Variants in EXOC6 observed in about 807,000 individuals in gnomAD.
The protein encoded by EXOC6 is SEC15-like 1.
Under a neutral mutation model 112.5 loss-of-function variants are expected in EXOC6, and 60 were observed. That is an observed-to-expected ratio of 0.53 (90% CI 0.43 to 0.66). The LOEUF is 0.66. Among genes scored for constraint, EXOC6 ranks in the 30% least tolerant of loss-of-function variants. The pLI, the probability that EXOC6 is intolerant of heterozygous loss-of-function variation, is 0.00. For synonymous variants in EXOC6, 295 were observed against 308.0 expected (o/e 0.96, Z 0.44); for missense variants, 855 against 957.1 (o/e 0.89, Z 1.41).
At chr10:92,923,003 C>T (rs1309976745) in intron 8 of EXOC6, among the ~76,000 whole-genome samples, 1 of 152,154 alleles carries the variant, frequency 6.6e-6, no homozygotes, top group Non-Finnish European at 1.5e-5. Context: ...AATAGTTCTT[C>T]TCTTACTGTT....
intron 14 of EXOC6, among the ~76,000 whole-genome samples, chr10:92,949,775 T>A (rs1430023172): frequency 1.3e-5 from 2 of 152,116 alleles, no homozygotes; most frequent in Non-Finnish European, 2.9e-5. Context: ...TAATTTTTTT[T>A]AGTAGAGACA....
chr10:92,989,276 G>A (rs1301560887), intron 18 of EXOC6, among the ~76,000 whole-genome samples: 2 of 152,168 alleles, frequency 1.3e-5, no homozygotes, highest in East Asian at 1.9e-4. Flanking sequence ...GCGTATAAAA[G>A]TATACTGCCT....
chr10:92,975,314 G>A (rs1473082487), intron 18 of EXOC6, among the ~76,000 whole-genome samples: 2 of 151,510 alleles, frequency 1.3e-5, no homozygotes, highest in Non-Finnish European at 2.9e-5. Context: ...GAGAAGTGAG[G>A]AGACCCTCTG....
chr10:93,024,067 C>T (rs956931959), intron 20 of EXOC6, among the ~76,000 whole-genome samples: 1 of 152,320 alleles, frequency 6.6e-6, no homozygotes, highest in East Asian at 1.9e-4. Context: ...GATTGAGCAT[C>T]CATTGCTTCA....
At chr10:93,038,439 G>T (rs796864583) in intron 20 of EXOC6, among the ~76,000 whole-genome samples, 19 of 152,274 alleles carry the variant, frequency 1.2e-4, no homozygotes, top group African/African-American at 4.6e-4. Context: ...TGTTTAAGCA[G>T]TTAATTTATA....
chr10:92,871,635 T>C (rs1419493597), intron 1 of EXOC6, among the ~76,000 whole-genome samples: 2 of 151,774 alleles, frequency 1.3e-5, no homozygotes, highest in Admixed American at 6.6e-5. Context: ...GATGAAACCC[T>C]GTCTCTACTA....
intron 19 of EXOC6, among the ~76,000 whole-genome samples, chr10:92,998,492 A>G (rs1338635780): frequency 3.3e-5 from 5 of 152,178 alleles, no homozygotes. Flanking sequence ...TGAAGCAGAA[A>G]TGACTGATTT....
chr10:92,977,339 G>A (rs1842663284), intron 18 of EXOC6, among the ~76,000 whole-genome samples: 1 of 151,992 alleles, frequency 6.6e-6, no homozygotes. Flanking sequence ...GAACCAATTA[G>A]AAAAGTTGAG....
chr10:92,955,786 C>T, intron 17 of EXOC6, 72 bp downstream of exon 17: 4 of 1,361,574 alleles, frequency 2.9e-6, no homozygotes, highest in Non-Finnish European at 4.0e-6. Flanking sequence ...AAAGACCGTT[C>T]TTATATATGC....
At chr10:92,975,939 C>T (rs1465749519) in intron 18 of EXOC6, among the ~76,000 whole-genome samples, 22 of 141,650 alleles carry the variant, frequency 1.6e-4, no homozygotes, top group Admixed American at 7.5e-4. Context: ...GCCCCCCGCC[C>T]GGCCAGCCGC....
At chr10:92,944,271 C>T (rs1425442922) in intron 13 of EXOC6, among the ~76,000 whole-genome samples, 1 of 151,782 alleles carries the variant, frequency 6.6e-6, no homozygotes, top group South Asian at 2.1e-4. Context: ...AGTCTTTGCT[C>T]TATCACCCAG....
chr10:92,909,815 T>G (rs942660752), intron 6 of EXOC6, among the ~76,000 whole-genome samples, 184 bp downstream of exon 6: 2 of 152,200 alleles, frequency 1.3e-5, no homozygotes, highest in Admixed American at 6.5e-5. Context: ...TTATTCCTTT[T>G]TTAAGTAAAA....
At chr10:92,889,583 T>G (rs1849393762) in intron 1 of EXOC6, among the ~76,000 whole-genome samples, 1 of 152,200 alleles carries the variant, frequency 6.6e-6, no homozygotes, top group African/African-American at 2.4e-5. Flanking sequence ...TTACCTTTGC[T>G]CCTTTGTCAA....
intron 20 of EXOC6, among the ~76,000 whole-genome samples, chr10:93,021,572 T>G (rs1183211507): frequency 2.0e-5 from 3 of 152,198 alleles, no homozygotes; most frequent in African/African-American, 7.2e-5. Context: ...TCCATTTCCT[T>G]TAGAAGGAGT....
At chr10:92,995,307 A>G (rs1341229618) in intron 18 of EXOC6, among the ~76,000 whole-genome samples, 1 of 152,140 alleles carries the variant, frequency 6.6e-6, no homozygotes, top group Non-Finnish European at 1.5e-5. Flanking sequence ...CTCCAGTGCT[A>G]TTGCTATGTA....
chr10:93,047,368 T>G (rs1846046095), intron 20 of EXOC6, among the ~76,000 whole-genome samples: 1 of 151,696 alleles, frequency 6.6e-6, no homozygotes, highest in African/African-American at 2.4e-5. Context: ...AAACGTTGTC[T>G]CTACTAAAAA....
intron 1 of EXOC6, among the ~76,000 whole-genome samples, chr10:92,849,733 C>A (rs1847232382): frequency 1.3e-5 from 2 of 152,068 alleles, no homozygotes; most frequent in Non-Finnish European, 1.5e-5. Context: ...AGTCAGGAGG[C>A]CTGGGTTCTT....
intron 19 of EXOC6, among the ~76,000 whole-genome samples, chr10:92,999,707 AT>A (rs11399257): frequency 1.3e-3 from 187 of 145,300 alleles, no homozygotes; most frequent in Middle Eastern, 0.011. Context: ...ATTGTGCCTA[AT>A]TTTTTTTTTT....
chr10:93,049,062 T>A (rs1028083543), intron 20 of EXOC6, among the ~76,000 whole-genome samples: 3 of 145,026 alleles, frequency 2.1e-5, no homozygotes, highest in Non-Finnish European at 3.0e-5. Flanking sequence ...ATAGCAGCAT[T>A]TTTTTTTTTT....
Sources: gnomAD v4.1 joint callset for allele counts (sites outside exome capture counted in the v4.1 genomes callset) on GRCh38, gnomAD v4.1.1 for gene constraint, MANE v1.5 for transcripts, NCBI Gene and HGNC (gene_info 2026-07-23, HGNC 2026-07-21) for gene names.